CDK13: variants seen among roughly 807,000 people sequenced by gnomAD.
CDK13 encodes cyclin dependent kinase 13, also known as cyclin-dependent kinase 13.
In CDK13, 40 loss-of-function variants were observed where a neutral mutation model predicts 137.6. The ratio of observed to expected loss-of-function variants is 0.29; its 90% CI spans 0.23 to 0.38. CDK13 has a LOEUF of 0.38. CDK13 is among the 10% of genes least tolerant of loss of function. The pLI is 1.00. For synonymous variants in CDK13, 869 were observed against 760.1 expected, an observed-to-expected ratio of 1.14 and a Z score of -2.36; for missense variants, 1,704 against 1,951.8, an observed-to-expected ratio of 0.87 and a Z score of 2.39.
Position 40,094,384 on chromosome 7 carries a change from C to T in CDK13, c.3943C>T (p.Pro1315Ser), listed in dbSNP as rs1035218104. 6.2e-7 allele frequency: 1 copy of T among 1,613,918 alleles called. No individual in the cohort carries two copies. Among genetic ancestry groups the T allele is most frequent in the African/African-American group, 1.3e-5 (1 of 74,946 alleles). Residue 1315 changes from proline to serine, a missense_variant, in exon 14 of 14, where the codon CCC becomes TCC. This residue lies in a region of CDK13 where 475 missense variants were observed against 579.3 expected (regional missense o/e 0.82). Coordinates refer to ENST00000181839, the MANE Select transcript of CDK13 (RefSeq NM_003718.5). Reference sequence around the variant, plus strand: ...TGCTCAGCATCAGCCCCAGGATGACCCCAAAAGAGAAGGTGGGATTGATTA... The same window carrying T: ...TGCTCAGCATCAGCCCCAGGATGACTCCAAAAGAGAAGGTGGGATTGATTA... ...LLAQHQPQDD[P>S]KREGGIDYQA... is the part of the protein sequence containing the mutation.
rs374617301 is a variant in CDK13 at position 40,028,245 on chromosome 7, A to G, written c.2354-17591A>G. Among the ~76,000 whole-genome samples the G allele has an allele frequency of 3.8e-3, 474 of 124,922 alleles. 4 individuals are homozygous for G. Among genetic ancestry groups the G allele is most frequent in the African/African-American group, 0.015 (441 of 29,372 alleles). 82.0% of individuals were successfully genotyped at this position (124,922 alleles called of 152,430 possible). ...TTTTTTTTTTTTTTTTTTGAGATGG[A>G]GTCTCACTCTGTCGCCAGGCTGGAG... On this transcript the variant is annotated intron_variant, in intron 5 of 13. Coordinates refer to ENST00000181839, the MANE Select transcript of CDK13 (RefSeq NM_003718.5).
At chr7:40,068,099 A>AG (rs1367682054) in intron 9 of CDK13, 4 of 151,884 alleles carry the variant, frequency 2.6e-5, no homozygotes, top group Admixed American at 6.6e-5. Context: ...AAAAAAAAAA[A>AG]AAAAGAAAAA....
chr7:40,001,740 T>G, intron 4 of CDK13, 121 bp from the exon 5 acceptor site: 1 of 735,582 alleles, frequency 1.4e-6, no homozygotes, highest in South Asian at 1.6e-5. Context: ...AACTGAAACA[T>G]ACTTTGTGGT....
chr7:39,979,378 G>C (rs901401156), intron 1 of CDK13, among the ~76,000 whole-genome samples: 1 of 151,846 alleles, frequency 6.6e-6, no homozygotes, highest in Non-Finnish European at 1.5e-5. Flanking sequence ...CACCACACCC[G>C]TCTGATTTTG....
chr7:39,950,298 C>T lies in CDK13; in HGVS notation c.-344C>T, dbSNP rs1416531131. On this transcript the variant is annotated 5_prime_UTR_variant, in exon 1 of 14. Coordinates refer to ENST00000181839, the MANE Select transcript of CDK13 (RefSeq NM_003718.5). ...CCCGAGCCGAGAGCGCGGCCAAGGC[C>T]GCTCCCCCACCCCCGGGGGCACTTG... is the stretch of plus-strand genomic sequence containing the variant. The T allele has an allele frequency of 9.2e-7, 1 of 1,090,884 alleles. No homozygotes were observed. The highest frequency in any genetic ancestry group is 4.4e-5 in the South Asian group (1 of 22,500). The allele number at this position is 1,090,884 out of a possible 1,614,324, so 67.6% of individuals were successfully genotyped here. A position where few individuals can be genotyped will look rare whatever the true frequency, so the allele number is the denominator to read the frequency against.
At chr7:39,972,058 C>G (rs1784011709) in intron 1 of CDK13, among the ~76,000 whole-genome samples, 1 of 152,182 alleles carries the variant, frequency 6.6e-6, no homozygotes, top group South Asian at 2.1e-4. Flanking sequence ...TTCTACTCTT[C>G]TCACCTGCTT....
At chr7:39,998,203 CT>C (rs570146829) in intron 3 of CDK13, 16,241 of 131,554 alleles carry the variant, frequency 0.12, 1,001 homozygotes, top group Middle Eastern at 0.18. Context: ...ACACTGGTGC[CT>C]TTTTTTTTTT....
chr7:39,971,901 A>G (rs1784007219), intron 1 of CDK13, among the ~76,000 whole-genome samples: 1 of 152,178 alleles, frequency 6.6e-6, no homozygotes, highest in Non-Finnish European at 1.5e-5. Flanking sequence ...AAAAACAAAA[A>G]AAACAAAAAA....
At chr7:40,018,824 T>C (rs1030681722) in intron 5 of CDK13, among the ~76,000 whole-genome samples, 12 of 152,120 alleles carry the variant, frequency 7.9e-5, no homozygotes, top group African/African-American at 2.7e-4. Flanking sequence ...AATTTCATAC[T>C]TCACCGCTAT....
At chr7:40,045,088 TATCTG>T (rs1451351342) in intron 5 of CDK13, among the ~76,000 whole-genome samples, 1 of 152,242 alleles carries the variant, frequency 6.6e-6, no homozygotes, top group Non-Finnish European at 1.5e-5. Flanking sequence ...ATTAGGAACT[TATCTG>T]AACCAAGTTC....
At chr7:40,027,707 C>T (rs979882039) in intron 5 of CDK13, among the ~76,000 whole-genome samples, 1 of 115,996 alleles carries the variant, frequency 8.6e-6, no homozygotes, top group Non-Finnish European at 1.6e-5. Flanking sequence ...TGTTCTCAGT[C>T]TGTGTAGCTG....
chr7:40,039,161 T>G (rs1418940611), intron 5 of CDK13, among the ~76,000 whole-genome samples: 2 of 152,316 alleles, frequency 1.3e-5, no homozygotes, highest in Middle Eastern at 3.4e-3. Flanking sequence ...TTAGGGGCAC[T>G]TTGCTCTTTT....
chr7:40,008,366 A>G (rs1282858633), intron 5 of CDK13, among the ~76,000 whole-genome samples: 1 of 152,232 alleles, frequency 6.6e-6, no homozygotes, highest in Non-Finnish European at 1.5e-5. Flanking sequence ...CTTAGCATTG[A>G]ATAATGTCCA....
At chr7:40,040,768 G>T in intron 5 of CDK13, among the ~76,000 whole-genome samples, 1 of 151,970 alleles carries the variant, frequency 6.6e-6, no homozygotes. Context: ...ATTTTAACTG[G>T]TGGTTGATGT....
intron 2 of CDK13, among the ~76,000 whole-genome samples, chr7:39,992,161 A>AGGGG (rs200276913): frequency 1.2e-3 from 63 of 51,244 alleles, no homozygotes; most frequent in Middle Eastern, 0.011. Context: ...AGAACTAATG[A>AGGGG]GGGTGTGTGT....
chr7:40,063,301 G>C (rs1334449622), intron 9 of CDK13, among the ~76,000 whole-genome samples: 3 of 152,118 alleles, frequency 2.0e-5, no homozygotes, highest in Admixed American at 2.0e-4. Context: ...AAGCCCCTGG[G>C]TGGGTGCATG....
rs191863509 is a variant in CDK13, at chr7:40,092,779, C to T, written c.3236-6C>T. ...ACAGTTCTAATTAATATAATTTTGT[C>T]TTTAGTAAAAACAGGCCCTGGACAG... On this transcript the variant is annotated splice_region_variant and splice_polypyrimidine_tract_variant and intron_variant, in intron 12 of 13. Coordinates refer to ENST00000181839, the MANE Select transcript of CDK13 (RefSeq NM_003718.5). 5.0e-6 allele frequency: 8 copies of T among 1,606,158 alleles called. No individual in the cohort carries two copies. Among genetic ancestry groups the T allele is most frequent in the Non-Finnish European group, 5.1e-6 (6 of 1,175,236 alleles).
At chr7:40,085,456 C>T (rs1452310554) in intron 11 of CDK13, among the ~76,000 whole-genome samples, 1 of 152,020 alleles carries the variant, frequency 6.6e-6, no homozygotes, top group Non-Finnish European at 1.5e-5. Flanking sequence ...CTTTGCTTTG[C>T]TCTCATGGGG....
At chr7:40,072,939 C>T (rs1786455441) in intron 9 of CDK13, 1 of 152,026 alleles carries the variant, frequency 6.6e-6, no homozygotes, top group African/African-American at 2.4e-5. Flanking sequence ...AACTAAAGCA[C>T]TCTTAGAATA....
Sources: allele counts gnomAD v4.1 joint callset (sites outside exome capture counted in the v4.1 genomes callset), GRCh38; gene constraint gnomAD v4.1.1; regional missense constraint gnomAD v4.1.1; transcripts MANE v1.5; gene names NCBI Gene and HGNC (gene_info 2026-07-23, HGNC 2026-07-21).